DDX27: variants seen among roughly 807,000 people sequenced by gnomAD.
DDX27 encodes the protein probable ATP-dependent RNA helicase DDX27.
In DDX27, 42 loss-of-function variants were observed where a neutral mutation model predicts 99.3. The ratio of observed to expected loss-of-function variants is 0.42; its 90% confidence interval spans 0.33 to 0.55. The LOEUF is 0.55. Ranked by LOEUF, DDX27 falls within the 20% of genes least tolerant of loss-of-function variation. The pLI is 0.07. For synonymous variants in DDX27, 329 were observed against 353.8 expected (o/e 0.93, Z 0.79); for missense variants, 798 against 976.8 (o/e 0.82, Z 2.44).
chr20:49,221,715 C>G, intron 2 of DDX27, 117 bp downstream of exon 2: 2 of 817,784 alleles, frequency 2.4e-6, no homozygotes, highest in Non-Finnish European at 3.5e-6. Context: ...GATACTACAA[C>G]TCCTTTGAAA....
At chr20:49,233,178 A>G in intron 9 of DDX27, 128 bp from the exon 10 acceptor site, 1 of 651,050 alleles carries the variant, frequency 1.5e-6, no homozygotes. Flanking sequence ...GAAAAGATAA[A>G]ATAATAAAAT....
At chr20:49,242,031 G>A in intron 17 of DDX27, 44 bp downstream of exon 17, 1 of 1,613,676 alleles carries the variant, frequency 6.2e-7, no homozygotes, top group Non-Finnish European at 8.5e-7. Flanking sequence ...TCGGTGGGGT[G>A]GGTCAGAGTG....
At chr20:49,222,823 A>G (rs1249392534) in intron 2 of DDX27, 134 bp from the exon 3 acceptor site, 2 of 453,368 alleles carry the variant, frequency 4.4e-6, no homozygotes, top group East Asian at 4.3e-5. Flanking sequence ...TAAAATTTTT[A>G]TATATATAAT....
intron 9 of DDX27, among the ~76,000 whole-genome samples, chr20:49,231,463 A>G (rs181372847): frequency 1.8e-4 from 27 of 152,314 alleles, no homozygotes; most frequent in Admixed American, 1.6e-3. Flanking sequence ...GGGGAGGGAA[A>G]CTATTCAAGT....
At chr20:49,234,705 G>A in intron 11 of DDX27, 1 of 436,568 alleles carries the variant, frequency 2.3e-6, no homozygotes, top group Admixed American at 4.0e-5. Flanking sequence ...CTTCAGAGAG[G>A]CCAGCCCTTA....
At chr20:49,233,166 G>A in intron 9 of DDX27, 140 bp from the exon 10 acceptor site, 1 of 634,746 alleles carries the variant, frequency 1.6e-6, no homozygotes, top group Non-Finnish European at 2.7e-6. Context: ...ATAATTCTTG[G>A]TGAAAAGATA....
chr20:49,237,172 A>G (rs558465160), intron 14 of DDX27, among the ~76,000 whole-genome samples: 29 of 152,230 alleles, frequency 1.9e-4, no homozygotes, highest in African/African-American at 6.3e-4. Flanking sequence ...TGTCTCTAAA[A>G]AAAAAAAATT....
At chr20:49,220,113 C>T (rs1316765907) in intron 1 of DDX27, among the ~76,000 whole-genome samples, 3 of 152,156 alleles carry the variant, frequency 2.0e-5, no homozygotes, top group Non-Finnish European at 2.9e-5. Flanking sequence ...CCCCTCTGCA[C>T]TCTCATCTGT....
intron 4 of DDX27, 112 bp from the exon 5 acceptor site, chr20:49,224,833 T>C (rs895130404): frequency 1.4e-5 from 16 of 1,148,840 alleles, no homozygotes; most frequent in South Asian, 5.6e-5. Flanking sequence ...AGGTTGACGA[T>C]GGTCACCCCT....
rs775537691 is a variant in DDX27, at chr20:49,228,778, C to T, written c.770C>T (p.Pro257Leu). Residue 257 changes from proline to leucine, a missense_variant, in exon 8 of 21, where the codon CCA becomes CTA. Coordinates refer to ENST00000618172, the MANE Select transcript of DDX27 (RefSeq NM_017895.8). ...ERLIYKPRQA[P>L]VTRVLVLVPT... is the part of the protein sequence containing the mutation. ...CTGATTTATAAACCCCGCCAGGCTC[C>T]AGTCACCCGCGTGCTGGTGCTAGTG... 1 of 1,613,372 alleles carries T rather than the reference C, an allele frequency of 6.2e-7. No individual in the cohort carries two copies. The highest frequency in any genetic ancestry group is 1.1e-5 in the South Asian group (1 of 91,004).
In DDX27 at chr20:49,228,701, G is replaced by C; in HGVS notation, c.707-14G>C. ...AACTTCTTCTCATTGCTTCCTTGCT[G>C]TCCCTCCCTCCAGGTAAAACTGCCG... is the stretch of plus-strand genomic sequence containing the variant. On this transcript the variant is annotated splice_polypyrimidine_tract_variant and intron_variant, in intron 7 of 20. Coordinates refer to ENST00000618172, the MANE Select transcript of DDX27 (RefSeq NM_017895.8). The C allele has an allele frequency of 6.3e-7, 1 of 1,579,598 alleles. No individual in the cohort carries two copies.
intron 9 of DDX27, chr20:49,231,219 G>A (rs1475821683): frequency 6.6e-6 from 1 of 152,390 alleles, no homozygotes; most frequent in Non-Finnish European, 1.5e-5. Flanking sequence ...TGTCACTGAG[G>A]GTTCATGGAG....
At position 49,224,109 on chromosome 20, in the gene DDX27, T is replaced by A. The variant is rs544427985; in HGVS notation, c.466+676T>A. ...TCAGGCTAGTCTCAAATTTCTAGGC[T>A]CGAGCAGTCCTCCCGCCTTGACCTC... On this transcript the variant is annotated intron_variant, in intron 4 of 20. Transcript: ENST00000618172. Among the ~76,000 whole-genome samples, 3 of 152,024 alleles carry A rather than the reference T, an allele frequency of 2.0e-5. No homozygotes were observed. In the East Asian group the frequency reaches 5.8e-4, roughly 30 times the overall value.
chr20:49,233,119 A>C (rs1399166010), intron 9 of DDX27, among the ~76,000 whole-genome samples, 187 bp from the exon 10 acceptor site: 1 of 152,206 alleles, frequency 6.6e-6, no homozygotes, highest in Non-Finnish European at 1.5e-5. Context: ...TCTGTGACTG[A>C]CTTGCCACAA....
intron 6 of DDX27, 149 bp from the exon 7 acceptor site, chr20:49,226,281 C>T (rs777604201): frequency 1.8e-6 from 1 of 566,402 alleles, no homozygotes; most frequent in Non-Finnish European, 3.1e-6. Flanking sequence ...AGCACCACCT[C>T]ACACATAGTA....
chr20:49,242,040 T>A (rs915112250), intron 17 of DDX27, 43 bp from the exon 18 acceptor site: 3 of 1,613,754 alleles, frequency 1.9e-6, no homozygotes, highest in African/African-American at 1.3e-5. Context: ...TGGGTCAGAG[T>A]GGCCTGGTGT....
chr20:49,228,597 A>C, intron 7 of DDX27, 118 bp from the exon 8 acceptor site: 13 of 1,046,322 alleles, frequency 1.2e-5, no homozygotes, highest in Non-Finnish European at 1.8e-5. Context: ...ATATTCTATG[A>C]AAAATAAGTT....
Position 49,243,878 on chromosome 20 carries a change from C to G in DDX27, c.*44C>G. ...ATTCATGGGGGCAGCCCTTAAATCC[C>G]TTCCCTGTGGGAAGTCATCCTGGCT... On this transcript the variant is annotated 3_prime_UTR_variant, in exon 21 of 21. Coordinates refer to ENST00000618172, the MANE Select transcript of DDX27 (RefSeq NM_017895.8). 1 of 1,612,566 alleles carries G rather than the reference C, an allele frequency of 6.2e-7. No individual in the cohort carries two copies. The highest frequency in any genetic ancestry group is 1.1e-5 in the South Asian group (1 of 90,928).
chr20:49,243,317 C>T (rs1980543649), intron 19 of DDX27, among the ~76,000 whole-genome samples: 2 of 152,146 alleles, frequency 1.3e-5, no homozygotes, highest in African/African-American at 4.8e-5. Flanking sequence ...CCAGAGAATC[C>T]TGGCTTGCTC....
Sources: allele counts gnomAD v4.1 joint callset (sites outside exome capture counted in the v4.1 genomes callset), GRCh38; gene constraint gnomAD v4.1.1; transcripts MANE v1.5; gene names NCBI Gene and HGNC (gene_info 2026-07-23, HGNC 2026-07-21).